CDIN1: variants seen among roughly 807,000 people sequenced by gnomAD.
CDIN1 encodes CDAN1-interacting nuclease 1.
In CDIN1, 33 loss-of-function variants were observed where a neutral mutation model predicts 45.3. The observed-to-expected ratio is 0.73, with a 90% CI of 0.55 to 0.97. The LOEUF (loss-of-function observed/expected upper bound fraction) is 0.97. Ranked by LOEUF, CDIN1 falls within the 50% of genes least tolerant of loss-of-function variation. The probability of loss-of-function intolerance (pLI) is 0.00; values close to 1 mark genes in which losing one functional copy is unlikely to be tolerated. For synonymous variants in CDIN1, 118 were observed against 124.4 expected, an observed-to-expected ratio of 0.95 and a Z score of 0.34; for missense variants, 303 against 339.4, an observed-to-expected ratio of 0.89 and a Z score of 0.84.
intron 1 of CDIN1, among the ~76,000 whole-genome samples, chr15:36,628,372 C>G (rs2039538974): frequency 6.6e-6 from 1 of 152,160 alleles, no homozygotes; most frequent in Admixed American, 6.5e-5. Context: ...TTTCTCCATG[C>G]TGTTACTTGT....
At position 36,808,316 on chromosome 15, in the gene CDIN1, T is replaced by C; in HGVS notation, c.717-8T>C. 6.2e-7 allele frequency: 1 copy of C among 1,613,190 alleles called. No homozygotes were observed. The highest frequency in any genetic ancestry group is 8.5e-7 in the Non-Finnish European group (1 of 1,179,372). On this transcript the variant is annotated splice_polypyrimidine_tract_variant and splice_region_variant and intron_variant, in intron 10 of 10. Coordinates refer to ENST00000566621, the MANE Select transcript of CDIN1 (RefSeq NM_001321759.2). ...ATGTGTGTGTGTTATTTTCTGGTGT[T>C]TTTACAGATTTGGGCCAGGCTTAGT...
intron 1 of CDIN1, among the ~76,000 whole-genome samples, chr15:36,631,566 C>A (rs566222267): frequency 1.8e-4 from 28 of 152,282 alleles, no homozygotes; most frequent in African/African-American, 6.7e-4. Flanking sequence ...TTATCTGAGT[C>A]ATAGCATATA....
chr15:36,800,092 T>G (rs976379461), intron 10 of CDIN1, among the ~76,000 whole-genome samples: 1 of 152,200 alleles, frequency 6.6e-6, no homozygotes, highest in African/African-American at 2.4e-5. Context: ...CATTTAAATT[T>G]TTGTTCAAAA....
At chr15:36,670,588 CT>C (rs994536734) in intron 5 of CDIN1, among the ~76,000 whole-genome samples, 1 of 152,022 alleles carries the variant, frequency 6.6e-6, no homozygotes, top group Non-Finnish European at 1.5e-5. Context: ...CCTTTGAGTT[CT>C]TTTTTATGCT....
intron 1 of CDIN1, among the ~76,000 whole-genome samples, chr15:36,585,587 T>G (rs1466206697): frequency 6.6e-6 from 1 of 152,226 alleles, no homozygotes; most frequent in Non-Finnish European, 1.5e-5. Context: ...CATCAGGGTC[T>G]GTGACTTCAT....
intron 1 of CDIN1, among the ~76,000 whole-genome samples, chr15:36,602,134 G>A (rs531860987): frequency 5.3e-5 from 8 of 152,346 alleles, no homozygotes; most frequent in East Asian, 3.9e-4. Context: ...CAGCGTGAAC[G>A]CTTCCAGCCA....
chr15:36,779,463 C>G (rs2054297407), intron 10 of CDIN1, among the ~76,000 whole-genome samples: 5 of 152,142 alleles, frequency 3.3e-5, no homozygotes, highest in Admixed American at 3.3e-4. Context: ...TCAGTGGTTC[C>G]CAAGTCAGAC....
intron 1 of CDIN1, among the ~76,000 whole-genome samples, chr15:36,633,111 C>T (rs1432161749): frequency 6.6e-6 from 1 of 152,012 alleles, no homozygotes; most frequent in Non-Finnish European, 1.5e-5. Context: ...TTTCTTTTTG[C>T]CTACCTAATT....
chr15:36,629,306 T>C (rs1566847400), intron 1 of CDIN1, among the ~76,000 whole-genome samples: 1 of 152,242 alleles, frequency 6.6e-6, no homozygotes, highest in African/African-American at 2.4e-5. Context: ...ATTAATTTGT[T>C]TGATTTTGAT....
At chr15:36,660,312 T>C (rs2098207012) in intron 5 of CDIN1, among the ~76,000 whole-genome samples, 1 of 152,166 alleles carries the variant, frequency 6.6e-6, no homozygotes, top group East Asian at 1.9e-4. Flanking sequence ...ACCTCAGCTT[T>C]AATGAGCTGC....
intron 10 of CDIN1, among the ~76,000 whole-genome samples, chr15:36,756,358 G>C (rs2053609538): frequency 6.6e-6 from 1 of 152,016 alleles, no homozygotes; most frequent in South Asian, 2.1e-4. Context: ...TCATATGTTG[G>C]TGTTTTAACA....
chr15:36,698,261 A>T (rs1207115056), intron 8 of CDIN1, among the ~76,000 whole-genome samples: 7 of 152,220 alleles, frequency 4.6e-5, no homozygotes, highest in Admixed American at 2.0e-4. Context: ...CAAAGAATCT[A>T]TTCCAAATCT....
chr15:36,742,071 G>A (rs1462905930), intron 10 of CDIN1, among the ~76,000 whole-genome samples: 2 of 152,086 alleles, frequency 1.3e-5, no homozygotes, highest in Non-Finnish European at 2.9e-5. Flanking sequence ...AAATAAAAGC[G>A]TAGATGAAAC....
intron 1 of CDIN1, among the ~76,000 whole-genome samples, chr15:36,597,769 C>T (rs959081883): frequency 3.3e-5 from 5 of 152,098 alleles, no homozygotes; most frequent in African/African-American, 1.2e-4. Context: ...TTTCTTTGCT[C>T]CACATGAAGT....
chr15:36,642,479 C>T (rs966479739), intron 1 of CDIN1, among the ~76,000 whole-genome samples: 1 of 152,212 alleles, frequency 6.6e-6, no homozygotes, highest in Non-Finnish European at 1.5e-5. Context: ...CACTCTAACC[C>T]TCTCGGCCAT....
chr15:36,598,581 C>G (rs577170079), intron 1 of CDIN1, among the ~76,000 whole-genome samples: 2 of 152,098 alleles, frequency 1.3e-5, no homozygotes, highest in South Asian at 2.1e-4. Context: ...GAGACCTGCC[C>G]CCAGATAAAA....
chr15:36,778,045 T>C (rs1252455327), intron 10 of CDIN1, among the ~76,000 whole-genome samples: 2 of 152,172 alleles, frequency 1.3e-5, no homozygotes, highest in African/African-American at 4.8e-5. Flanking sequence ...TTCTCCCCCT[T>C]GTGAAGAGAA....
chr15:36,595,647 A>G (rs950161031), intron 1 of CDIN1, among the ~76,000 whole-genome samples: 18 of 152,122 alleles, frequency 1.2e-4, no homozygotes, highest in African/African-American at 4.3e-4. Context: ...ATTCCCTGGG[A>G]CTGATCAGCT....
At chr15:36,613,957 C>T in intron 1 of CDIN1, 1 of 1,543,286 alleles carries the variant, frequency 6.5e-7, no homozygotes, top group Non-Finnish European at 8.9e-7. Flanking sequence ...GCAGATCAGA[C>T]TGATGGACCA....
Sources: allele counts gnomAD v4.1 joint callset (sites outside exome capture counted in the v4.1 genomes callset), GRCh38; gene constraint gnomAD v4.1.1; transcripts MANE v1.5; gene names NCBI Gene and HGNC (gene_info 2026-07-23, HGNC 2026-07-21).